KCNIP4: variants seen among roughly 807,000 people sequenced by gnomAD.
KCNIP4 encodes potassium voltage-gated channel interacting protein 4, also known as Kv channel-interacting protein 4.
A neutral mutation model predicts 34.0 loss-of-function variants in KCNIP4; 12 were observed. The ratio of observed to expected loss-of-function variants is 0.35; its 90% CI spans 0.23 to 0.57. KCNIP4 has a LOEUF of 0.57. KCNIP4 is among the 20% of genes least tolerant of loss of function. The pLI is 0.83. For synonymous variants in KCNIP4, 124 were observed against 102.2 expected, an observed-to-expected ratio of 1.21 and a Z score of -1.29; for missense variants, 238 against 311.7, an observed-to-expected ratio of 0.76 and a Z score of 1.78.
chr4:21,796,835 A>G (rs1720655785), intron 1 of KCNIP4, among the ~76,000 whole-genome samples: 1 of 152,224 alleles, frequency 6.6e-6, no homozygotes, highest in African/African-American at 2.4e-5. Context: ...CATGTTCCGG[A>G]AAAGCCCAAA....
intron 1 of KCNIP4, among the ~76,000 whole-genome samples, chr4:21,282,938 C>T (rs1313728096): frequency 1.3e-5 from 2 of 152,176 alleles, no homozygotes; most frequent in Non-Finnish European, 2.9e-5. Flanking sequence ...ACACCCAAAT[C>T]TCCGTCAACT....
chr4:21,545,085 C>G lies in KCNIP4; in HGVS notation c.61+403486G>C, dbSNP rs139999004. 6.1e-3 allele frequency among the ~76,000 whole-genome samples: 929 copies of G among 152,234 alleles called. 6 individuals carry two copies. Among genetic ancestry groups the G allele is most frequent in the Non-Finnish European group, 0.01 (701 of 68,004 alleles). On this transcript the variant is annotated intron_variant, in intron 1 of 8. Transcript: ENST00000382152. Reference sequence around the variant, plus strand: ...TCAAAACCCACCAAAAGCAAGATAGCAAGGAGAGTGACCTCTGGTCGTCCT... The same window carrying G: ...TCAAAACCCACCAAAAGCAAGATAGGAAGGAGAGTGACCTCTGGTCGTCCT...
chr4:21,071,673 G>C (rs1419662736), intron 1 of KCNIP4, among the ~76,000 whole-genome samples: 1 of 151,516 alleles, frequency 6.6e-6, no homozygotes, highest in African/African-American at 2.4e-5. Context: ...TTTAAGTTTT[G>C]GGGTACATGT....
intron 1 of KCNIP4, among the ~76,000 whole-genome samples, chr4:21,093,870 G>C (rs10019704): frequency 0.021 from 3,246 of 152,088 alleles, 115 homozygotes; most frequent in African/African-American, 0.074. Context: ...ATCACAAGGT[G>C]AGGAGATCGA....
chr4:21,694,075 C>T (rs1229378614), intron 1 of KCNIP4, among the ~76,000 whole-genome samples: 1 of 152,084 alleles, frequency 6.6e-6, no homozygotes, highest in Non-Finnish European at 1.5e-5. Context: ...TAAAACATGA[C>T]AATATTAAAT....
intron 1 of KCNIP4, among the ~76,000 whole-genome samples, chr4:21,169,185 G>A (rs1340490794): frequency 6.6e-6 from 1 of 152,082 alleles, no homozygotes; most frequent in Non-Finnish European, 1.5e-5. Context: ...TGCTGAGACA[G>A]GGTGAAGTGC....
intron 1 of KCNIP4, among the ~76,000 whole-genome samples, chr4:21,415,173 A>G (rs1724843206): frequency 6.6e-6 from 1 of 152,134 alleles, no homozygotes; most frequent in South Asian, 2.1e-4. Context: ...AGGACATTAT[A>G]TAAGTGAAGA....
chr4:21,639,709 C>T (rs1746478287), intron 1 of KCNIP4, among the ~76,000 whole-genome samples: 2 of 152,074 alleles, frequency 1.3e-5, no homozygotes, highest in African/African-American at 4.8e-5. Flanking sequence ...AGAAAAATAA[C>T]TGTCTCATTC....
intron 1 of KCNIP4, among the ~76,000 whole-genome samples, chr4:21,412,852 C>T (rs1320096019): frequency 6.6e-6 from 1 of 152,168 alleles, no homozygotes; most frequent in African/African-American, 2.4e-5. Flanking sequence ...AAACTGCATC[C>T]TTTAAGATTG....
chr4:21,101,261 C>T (rs962773745), intron 1 of KCNIP4, among the ~76,000 whole-genome samples: 2 of 152,118 alleles, frequency 1.3e-5, no homozygotes, highest in Admixed American at 1.3e-4. Context: ...CTCCAGGTCT[C>T]TCCATGTTGC....
intron 3 of KCNIP4, among the ~76,000 whole-genome samples, chr4:20,772,848 A>C (rs1365250946): frequency 6.6e-6 from 1 of 151,732 alleles, no homozygotes; most frequent in Non-Finnish European, 1.5e-5. Context: ...TCACCATGCT[A>C]ATCTCGAACT....
intron 1 of KCNIP4, among the ~76,000 whole-genome samples, chr4:21,705,861 TAGA>T (rs1343595843): frequency 1.1e-4 from 17 of 152,132 alleles, no homozygotes; most frequent in Non-Finnish European, 1.3e-4. Context: ...CAGCCCTCTG[TAGA>T]AGGTTCATTT....
intron 1 of KCNIP4, among the ~76,000 whole-genome samples, chr4:21,187,719 G>A (rs73247385): frequency 0.081 from 12,182 of 150,072 alleles, 650 homozygotes; most frequent in South Asian, 0.16. Flanking sequence ...TTTTTTTTCT[G>A]CAGGTATTTT....
At chr4:21,410,295 C>T (rs1477341083) in intron 1 of KCNIP4, among the ~76,000 whole-genome samples, 3 of 152,154 alleles carry the variant, frequency 2.0e-5, no homozygotes, top group African/African-American at 4.8e-5. Flanking sequence ...GACGGTCTTG[C>T]CTTGCACAGG....
chr4:21,209,514 T>A (rs528585265), intron 1 of KCNIP4, among the ~76,000 whole-genome samples: 1 of 152,278 alleles, frequency 6.6e-6, no homozygotes, highest in South Asian at 2.1e-4. Flanking sequence ...TCCTGGTTTA[T>A]TTCACTTAAT....
At chr4:20,882,871 T>C (rs986235570) in intron 1 of KCNIP4, among the ~76,000 whole-genome samples, 162 bp from the exon 2 acceptor site, 12 of 150,126 alleles carry the variant, frequency 8.0e-5, no homozygotes, top group Admixed American at 6.0e-4. Flanking sequence ...AAAAAAAAGT[T>C]TGTTTTCTTC....
chr4:21,435,173 G>A (rs1726840200), intron 1 of KCNIP4, among the ~76,000 whole-genome samples: 1 of 152,150 alleles, frequency 6.6e-6, no homozygotes, highest in Admixed American at 6.5e-5. Context: ...AAGGAGAGGA[G>A]CAAAAAACTT....
chr4:21,456,486 T>C lies in KCNIP4; in HGVS notation c.61+492085A>G, dbSNP rs867813137. Among the ~76,000 whole-genome samples the C allele has an allele frequency of 8.4e-4, 125 of 148,494 alleles. 19 individuals carry two copies. The highest frequency in any genetic ancestry group is 3.0e-3 in the African/African-American group (116 of 38,410). On this transcript the variant is annotated intron_variant, in intron 1 of 8. Coordinates refer to ENST00000382152, the MANE Select transcript of KCNIP4 (RefSeq NM_025221.6). ...ACTACCCACCTATATATTTTCTTAA[T>C]TTATATTTCTTTAAATCAACTTATT...
intron 1 of KCNIP4, among the ~76,000 whole-genome samples, chr4:21,641,208 C>T (rs1161671306): frequency 1.3e-5 from 2 of 152,210 alleles, no homozygotes; most frequent in Admixed American, 1.3e-4. Flanking sequence ...TCCCAAATGC[C>T]CATGGTCCCC....
Sources: gnomAD v4.1 joint callset for allele counts (sites outside exome capture counted in the v4.1 genomes callset) on GRCh38, gnomAD v4.1.1 for gene constraint, MANE v1.5 for transcripts, NCBI Gene and HGNC (gene_info 2026-07-23, HGNC 2026-07-21) for gene names.